RGL1: variants seen among roughly 807,000 people sequenced by gnomAD.
The protein encoded by RGL1 is ral guanine nucleotide dissociation stimulator-like 1.
A neutral mutation model predicts 95.2 loss-of-function variants in RGL1; 24 were observed. The ratio of observed to expected loss-of-function variants is 0.25; its 90% confidence interval spans 0.18 to 0.35. The LOEUF is 0.35. Ranked by LOEUF, RGL1 falls within the 10% of genes least tolerant of loss-of-function variation. The pLI is 1.00. For synonymous variants in RGL1, 329 were observed against 344.9 expected (o/e 0.95, Z 0.51); for missense variants, 715 against 936.3 (o/e 0.76, Z 3.08).
At chr1:183,719,450 G>A (rs892697817) in intron 1 of RGL1, among the ~76,000 whole-genome samples, 1 of 151,938 alleles carries the variant, frequency 6.6e-6, no homozygotes, top group African/African-American at 2.4e-5. Flanking sequence ...GTTTCTCCCT[G>A]AGGACAAGCT....
intron 1 of RGL1, among the ~76,000 whole-genome samples, chr1:183,732,901 G>T (rs148151997): frequency 6.6e-6 from 1 of 152,138 alleles, no homozygotes; most frequent in East Asian, 1.9e-4. Context: ...TTGAAAATCC[G>T]TTTGAAATTT....
chr1:183,732,097 G>A (rs558341726), intron 1 of RGL1, among the ~76,000 whole-genome samples: 1 of 152,130 alleles, frequency 6.6e-6, no homozygotes, highest in Non-Finnish European at 1.5e-5. Flanking sequence ...CTGCAAATTT[G>A]CCATCTTGTT....
intron 1 of RGL1, among the ~76,000 whole-genome samples, chr1:183,655,434 T>C (rs1269160071): frequency 1.3e-5 from 2 of 152,244 alleles, no homozygotes; most frequent in Non-Finnish European, 2.9e-5. Context: ...TGGTTGACAC[T>C]GAACAACAAT....
intron 3 of RGL1, 146 bp from the exon 4 acceptor site, chr1:183,865,850 C>A: frequency 1.6e-6 from 1 of 619,320 alleles, no homozygotes; most frequent in Non-Finnish European, 2.9e-6. Flanking sequence ...AATAATACTG[C>A]ATCATTTTCA....
rs1661214045 is a variant in RGL1 at position 183,805,285 on chromosome 1, G to A, written c.-13G>A. The A allele has an allele frequency of 6.2e-7, 1 of 1,611,522 alleles. No homozygotes were observed. The highest frequency in any genetic ancestry group is 1.3e-5 in the African/African-American group (1 of 74,944). On this transcript the variant is annotated 5_prime_UTR_variant, in exon 1 of 18. Transcript: ENST00000360851. ...CATCATGCAGCGTTCGCGCACCGGAGAGAAAACTGAGAATGAAATTGCTTT... is the reference window on the plus strand; with the variant it reads ...CATCATGCAGCGTTCGCGCACCGGAAAGAAAACTGAGAATGAAATTGCTTT...
At chr1:183,775,857 T>C (rs931477549) in intron 2 of RGL1, among the ~76,000 whole-genome samples, 1 of 152,188 alleles carries the variant, frequency 6.6e-6, no homozygotes, top group African/African-American at 2.4e-5. Flanking sequence ...CTGGAAGTAA[T>C]ATGGAAAATT....
At chr1:183,872,012 A>T (rs1210483001) in intron 4 of RGL1, among the ~76,000 whole-genome samples, 1 of 152,234 alleles carries the variant, frequency 6.6e-6, no homozygotes, top group African/African-American at 2.4e-5. Context: ...TATTTCTAGG[A>T]TTCCTAAATT....
rs148210613 is a variant in RGL1, at chr1:183,793,328, A to G, written c.133-13047A>G. Among the ~76,000 whole-genome samples the G allele has an allele frequency of 3.9e-5, 6 of 152,302 alleles. No homozygotes were observed. In the East Asian group the frequency reaches 9.6e-4, roughly 24 times the overall value. On this transcript the variant is annotated intron_variant, in intron 2 of 18. Transcript: ENST00000304685. ...TTAAACATAATTCCTAAGACTATAAAACTACTAGAAATGCTTTAGGACATT... is the reference window on the plus strand; with the variant it reads ...TTAAACATAATTCCTAAGACTATAAGACTACTAGAAATGCTTTAGGACATT...
At chr1:183,921,928 AC>A (rs1669328202) in intron 16 of RGL1, among the ~76,000 whole-genome samples, 1 of 152,200 alleles carries the variant, frequency 6.6e-6, no homozygotes, top group Non-Finnish European at 1.5e-5. Context: ...ATATTCTTTC[AC>A]GGGAACTTCA....
At chr1:183,766,136 G>GTGGCTTACA in intron 2 of RGL1, among the ~76,000 whole-genome samples, 1 of 152,040 alleles carries the variant, frequency 6.6e-6, no homozygotes, top group East Asian at 1.9e-4. Context: ...GCCAGGTGTG[G>GTGGCTTACA]TGGCTCACAC....
chr1:183,872,170 A>G (rs149236006), intron 4 of RGL1, among the ~76,000 whole-genome samples: 1,701 of 152,238 alleles, frequency 0.011, 36 homozygotes, highest in African/African-American at 0.04. Context: ...AACCAGATGG[A>G]AAAAGTGAAT....
chr1:183,782,580 A>G (rs1182630696), intron 2 of RGL1, among the ~76,000 whole-genome samples: 1 of 152,228 alleles, frequency 6.6e-6, no homozygotes, highest in African/African-American at 2.4e-5. Context: ...GCTGAACAGG[A>G]ATAGTATAAT....
intron 5 of RGL1, among the ~76,000 whole-genome samples, chr1:183,881,307 A>G (rs1326380500): frequency 6.6e-6 from 1 of 152,216 alleles, no homozygotes; most frequent in South Asian, 2.1e-4. Flanking sequence ...GTCCTTCAGT[A>G]TGGAAAAGCA....
intron 8 of RGL1, 144 bp downstream of exon 8, chr1:183,888,721 A>G (rs1667258690): frequency 5.0e-6 from 3 of 601,156 alleles, no homozygotes; most frequent in Non-Finnish European, 8.9e-6. Flanking sequence ...TGCATCTTAC[A>G]CATAATCATT....
chr1:183,658,233 C>T (rs554818578), intron 1 of RGL1, among the ~76,000 whole-genome samples: 5 of 152,294 alleles, frequency 3.3e-5, no homozygotes, highest in East Asian at 3.9e-4. Flanking sequence ...GTGCACCATG[C>T]GCCAGCCGAA....
intron 2 of RGL1, among the ~76,000 whole-genome samples, chr1:183,795,395 A>G (rs1190503577): frequency 6.6e-6 from 1 of 152,242 alleles, no homozygotes; most frequent in East Asian, 1.9e-4. Context: ...TAGAGCTACA[A>G]AGAGAGGAAT....
chr1:183,792,857 TTAAAA>T (rs1478947005), intron 2 of RGL1, among the ~76,000 whole-genome samples: 4 of 152,132 alleles, frequency 2.6e-5, no homozygotes, highest in Non-Finnish European at 4.4e-5. Context: ...ATTAATATTG[TTAAAA>T]TAATAATACT....
chr1:183,859,887 C>T lies in RGL1; in HGVS notation c.348-6109C>T, dbSNP rs149269361. Among the ~76,000 whole-genome samples the T allele has an allele frequency of 2.7e-3, 406 of 152,300 alleles. 4 individuals are homozygous for T. The highest frequency in any genetic ancestry group is 4.0e-3 in the Admixed American group (61 of 15,294). ...GCTGTGACCCAGTTCTCAGGTCAGACTTGGCGGAGAGGTGCCTGCCATGGA... is the reference window on the plus strand; with the variant it reads ...GCTGTGACCCAGTTCTCAGGTCAGATTTGGCGGAGAGGTGCCTGCCATGGA... On this transcript the variant is annotated intron_variant, in intron 3 of 17. Transcript: ENST00000360851.
intron 2 of RGL1, among the ~76,000 whole-genome samples, chr1:183,788,072 T>C (rs1273240556): frequency 6.6e-6 from 1 of 152,208 alleles, no homozygotes; most frequent in East Asian, 1.9e-4. Flanking sequence ...CCACACTCAC[T>C]TGCTTCCCTT....
Sources: gnomAD v4.1 joint callset for allele counts (sites outside exome capture counted in the v4.1 genomes callset) on GRCh38, gnomAD v4.1.1 for gene constraint, MANE v1.5 for transcripts, NCBI Gene and HGNC (gene_info 2026-07-23, HGNC 2026-07-21) for gene names.